The following PTH1R variants were observed in gnomAD, a reference collection of about 807,000 sequenced individuals.
The protein encoded by PTH1R is parathyroid hormone/parathyroid hormone-related peptide receptor.
Under a neutral mutation model 70.7 loss-of-function variants are expected in PTH1R, and 32 were observed. The observed-to-expected ratio is 0.45, with a 90% confidence interval of 0.34 to 0.61. The LOEUF is 0.61. Ranked by LOEUF, PTH1R falls within the 20% of genes least tolerant of loss-of-function variation. PTH1R has a pLI of 0.01. For synonymous variants in PTH1R, 329 were observed against 324.8 expected, an observed-to-expected ratio of 1.01 and a Z score of -0.14; for missense variants, 626 against 792.5, an observed-to-expected ratio of 0.79 and a Z score of 2.52.
rs1384005137 is a variant in PTH1R at position 46,879,961 on chromosome 3, C to T, written c.-105-1101C>T. 6.6e-6 allele frequency among the ~76,000 whole-genome samples: 1 copy of T among 152,086 alleles called. No individual in the cohort carries two copies. The highest frequency in any genetic ancestry group is 2.4e-5 in the African/African-American group (1 of 41,398). On this transcript the variant is annotated intron_variant, in intron 1 of 15. Transcript: ENST00000449590. This position sits in a 1 kb window ranked among gnomAD's most constrained non-coding sequence, Gnocchi z 4.7. ...GGCTGAGGCCAGAGAATTGCTTGAA[C>T]CCGGGAGGTGGAGGTTGCAGTCAGC...
rs201908157 is a variant in PTH1R at position 46,893,965 on chromosome 3, A to G, written c.134A>G (p.Gln45Arg). 7 of 1,614,188 alleles carry G rather than the reference A, an allele frequency of 4.3e-6. No homozygotes were observed. In the Admixed American group the frequency reaches 5.0e-5, roughly 12 times the overall value. The stretch of plus-strand genomic sequence containing the variant: ...CAGATCTTCCTGCTGCACCGTGCTC[A>G]GGCCCAGTGCGAAAAACGGCTCAAG... ...EEQIFLLHRA[Q>R]AQCEKRLKEV... Residue 45 changes from glutamine (Q) to arginine (R), a missense_variant, in exon 4 of 16, where the codon CAG becomes CGG. Physicochemically the swap from Gln to Arg is conservative, Grantham distance 43. Around this residue, in one of 3 missense-constraint regions of PTH1R, gnomAD observed 123 missense variants for 125.7 expected, o/e 0.98. Transcript: ENST00000449590. This position sits in a 1 kb window ranked among gnomAD's most constrained non-coding sequence, Gnocchi z 5.2.
Position 46,898,365 on chromosome 3 carries a change from C to T in PTH1R, c.544-13C>T, listed in dbSNP as rs772349722. 3.7e-6 allele frequency: 6 copies of T among 1,613,192 alleles called. No homozygotes were observed. The highest frequency in any genetic ancestry group is 1.1e-5 in the South Asian group (1 of 91,058). Reference sequence around the variant, plus strand: ...CCCAGGGCTCTGACTGTGTCTCCCCCCGCCCCGCACAGGAGGTGTTTGACC... The same window carrying T: ...CCCAGGGCTCTGACTGTGTCTCCCCTCGCCCCGCACAGGAGGTGTTTGACC... On this transcript the variant is annotated splice_polypyrimidine_tract_variant and intron_variant, in intron 7 of 15. Transcript: ENST00000449590.
chr3:46,889,772 G>A (rs1293969613), intron 3 of PTH1R, among the ~76,000 whole-genome samples: 1 of 152,120 alleles, frequency 6.6e-6, no homozygotes, highest in East Asian at 1.9e-4. Context: ...TGGTGGGTAT[G>A]GACTAAGTGA....
At position 46,893,003 on chromosome 3, in the gene PTH1R, C is replaced by T. The variant is rs1443357132; in HGVS notation, c.76-904C>T. ...TGGGCTAGGCACACCAGGCTGCTCCCAAGTCAGAGGACAGAGGCTGAGACC... is the reference window on the plus strand; with the variant it reads ...TGGGCTAGGCACACCAGGCTGCTCCTAAGTCAGAGGACAGAGGCTGAGACC... On this transcript the variant is annotated intron_variant, in intron 3 of 15. Coordinates refer to ENST00000449590, the MANE Select transcript of PTH1R (RefSeq NM_000316.3). The surrounding 1 kb of genome is among the most constrained non-coding windows in gnomAD (Gnocchi z 5.2). Among the ~76,000 whole-genome samples, 1 of 152,206 alleles carries T rather than the reference C, an allele frequency of 6.6e-6. No individual in the cohort carries two copies. Among genetic ancestry groups the T allele is most frequent in the African/African-American group, 2.4e-5 (1 of 41,444 alleles).
rs2031852252 is a variant in PTH1R at position 46,897,971 on chromosome 3, G to A, written c.424+6G>A. ...TTATGACTTCAATCACAAAGGTGAG[G>A]CCTGCTGGAAGGGGTGGGGATTACA... On this transcript the variant is annotated splice_donor_region_variant and intron_variant, in intron 6 of 15. Transcript: ENST00000449590. The A allele has an allele frequency of 6.2e-7, 1 of 1,613,972 alleles. No individual in the cohort carries two copies. The highest frequency in any genetic ancestry group is 8.5e-7 in the Non-Finnish European group (1 of 1,179,962).
chr3:46,898,116 T>C lies in PTH1R; in HGVS notation c.467T>C (p.Leu156Pro), dbSNP rs769981106. The change falls in exon 7 of 16, where the codon CTG (leucine) becomes CCG (proline). Residue 156 changes from leucine (L) to proline (P), a missense_variant. By Grantham distance (98) the Leu-to-Pro change is moderately conservative (BLOSUM62 -3). Around this residue, in one of 3 missense-constraint regions of PTH1R, gnomAD observed 495 missense variants for 638.7 expected, o/e 0.77. Transcript: ENST00000449590. ...TGTGACCGCAATGGCAGCTGGGAGC[T>C]GGTGCCTGGGCACAACAGGACGTGG... ...RRCDRNGSWE[L>P]VPGHNRTWAN... is the part of the protein sequence containing the mutation. The C allele has an allele frequency of 3.1e-6, 5 of 1,614,250 alleles. No individual in the cohort carries two copies. The highest frequency in any genetic ancestry group is 4.2e-6 in the Non-Finnish European group (5 of 1,180,040).
Position 46,901,847 on chromosome 3 carries a change from C to G in PTH1R, c.1198C>G (p.Arg400Gly), listed in dbSNP as rs775797881. The change falls in exon 13 of 16, where the codon CGG (arginine) becomes GGG (glycine). Residue 400 changes from arginine (R) to glycine (G), a missense_variant. By Grantham distance (125) the Arg-to-Gly change is moderately radical (BLOSUM62 -2). Transcript: ENST00000449590. The surrounding 1 kb of genome is among the most constrained non-coding windows in gnomAD (Gnocchi z 7.3). ...RETNAGRCDT[R>G]QQYRKLLKST... ...GACCAACGCCGGCCGGTGTGACACA[C>G]GGCAGCAGTACCGGTGAGCCCACCA... is the stretch of plus-strand genomic sequence containing the variant. The G allele has an allele frequency of 6.2e-7, 1 of 1,613,698 alleles. No homozygotes were observed. Among genetic ancestry groups the G allele is most frequent in the South Asian group, 1.1e-5 (1 of 91,072 alleles).
chr3:46,898,042 C>T (rs2031857511), intron 6 of PTH1R, 32 bp from the exon 7 acceptor site: 1 of 1,613,154 alleles, frequency 6.2e-7, no homozygotes, highest in African/African-American at 1.3e-5. Context: ...TCGAGACCTC[C>T]CTGCCGGCCC....
chr3:46,901,043 T>C lies in PTH1R; in HGVS notation c.1007T>C (p.Val336Ala). ...VFGWGLPAVF[V>A]AVWVSVRATL... The stretch of plus-strand genomic sequence containing the variant: ...CCCACAGGTCTGCCCGCTGTCTTCG[T>C]GGCTGTGTGGGTCAGTGTCAGAGCT... The change falls in exon 11 of 16, where the codon GTG (valine) becomes GCG (alanine). Residue 336 changes from valine to alanine, a missense_variant. By Grantham distance (64) the Val-to-Ala change is moderately conservative. Coordinates refer to ENST00000449590, the MANE Select transcript of PTH1R (RefSeq NM_000316.3). This position sits in a 1 kb window ranked among gnomAD's most constrained non-coding sequence, Gnocchi z 7.3. 1.3e-6 allele frequency: 2 copies of C among 1,584,574 alleles called. No homozygotes were observed. Among genetic ancestry groups the C allele is most frequent in the Non-Finnish European group, 1.7e-6 (2 of 1,164,160 alleles).
chr3:46,896,009 C>A lies in PTH1R; in HGVS notation c.313+140C>A. On this transcript the variant is annotated intron_variant, in intron 5 of 15. Transcript: ENST00000449590. This position sits in a 1 kb window ranked among gnomAD's most constrained non-coding sequence, Gnocchi z 4.1. ...TGCAGCCACATCCCCAGGCAAGGGG[C>A]TGGGAGAAGACAGAGTGTAGTGGGA... 1.7e-6 allele frequency: 2 copies of A among 1,153,278 alleles called. No homozygotes were observed. Among genetic ancestry groups the A allele is most frequent in the Non-Finnish European group, 2.5e-6 (2 of 802,284 alleles). 71.4% of individuals were successfully genotyped at this position (1,153,278 alleles called of 1,614,324 possible).
At chr3:46,878,657 C>G (rs892485647) in intron 1 of PTH1R, among the ~76,000 whole-genome samples, 2 of 152,316 alleles carry the variant, frequency 1.3e-5, no homozygotes, top group East Asian at 3.9e-4. Flanking sequence ...ATTGCTCAGA[C>G]AGCTGAGCCT....
At chr3:46,897,344 G>C (rs890123359) in intron 5 of PTH1R, among the ~76,000 whole-genome samples, 3 of 152,218 alleles carry the variant, frequency 2.0e-5, no homozygotes, top group African/African-American at 7.2e-5. Flanking sequence ...TAAATTCTAT[G>C]AGGTGGGTAC....
chr3:46,894,164 G>A (rs1219403260), intron 4 of PTH1R, among the ~76,000 whole-genome samples, 155 bp downstream of exon 4: 3 of 152,138 alleles, frequency 2.0e-5, no homozygotes, highest in Non-Finnish European at 4.4e-5. Flanking sequence ...AGTGGGGTGC[G>A]TGGTGCAAGA....
At chr3:46,889,001 G>A (rs748122446) in intron 3 of PTH1R, among the ~76,000 whole-genome samples, 3 of 152,188 alleles carry the variant, frequency 2.0e-5, no homozygotes, top group African/African-American at 4.8e-5. Flanking sequence ...GGGGCAGGAC[G>A]AGGAGCCTGC....
At chr3:46,899,237 C>T in intron 9 of PTH1R, 66 bp from the exon 10 acceptor site, 1 of 1,608,050 alleles carries the variant, frequency 6.2e-7, no homozygotes, top group Non-Finnish European at 8.5e-7. Flanking sequence ...GCCCCAGCCC[C>T]CCAGCCCAGC....
chr3:46,897,476 A>G (rs1459426744), intron 5 of PTH1R, among the ~76,000 whole-genome samples: 1 of 152,232 alleles, frequency 6.6e-6, no homozygotes, highest in Non-Finnish European at 1.5e-5. Flanking sequence ...TCATGCCTGT[A>G]ATCCCAGCAC....
chr3:46,879,631 C>G lies in PTH1R; in HGVS notation c.-105-1431C>G, dbSNP rs1231513414. ...GTGTGGTAGCTCATGCCTGTGGTGC[C>G]AGCTACATGAGAGGCTGAGGTGAGA... On this transcript the variant is annotated intron_variant, in intron 1 of 15. Transcript: ENST00000449590. This position sits in a 1 kb window ranked among gnomAD's most constrained non-coding sequence, Gnocchi z 4.7. 1.3e-5 allele frequency among the ~76,000 whole-genome samples: 2 copies of G among 152,150 alleles called. No homozygotes were observed. Among genetic ancestry groups the G allele is most frequent in the Non-Finnish European group, 2.9e-5 (2 of 68,032 alleles).
At chr3:46,900,604 A>T (rs745741449) in intron 10 of PTH1R, among the ~76,000 whole-genome samples, 4 of 151,816 alleles carry the variant, frequency 2.6e-5, no homozygotes, top group Admixed American at 6.6e-5. Context: ...GAGGGCTAGG[A>T]CCTTTCAAAC....
Position 46,901,742 on chromosome 3 carries a change from G to A in PTH1R, c.1117-24G>A. 1 of 1,606,684 alleles carries A rather than the reference G, an allele frequency of 6.2e-7. No individual in the cohort carries two copies. The highest frequency in any genetic ancestry group is 1.1e-5 in the South Asian group (1 of 90,914). The stretch of plus-strand genomic sequence containing the variant: ...CCGCCCCACTAGGGTGCAGCCTCCA[G>A]ACGCAGCCCCCTCACTCCCACAGCT... On this transcript the variant is annotated intron_variant, in intron 12 of 15. Coordinates refer to ENST00000449590, the MANE Select transcript of PTH1R (RefSeq NM_000316.3). This position sits in a 1 kb window ranked among gnomAD's most constrained non-coding sequence, Gnocchi z 7.3.
Sources: allele counts gnomAD v4.1 joint callset (sites outside exome capture counted in the v4.1 genomes callset), GRCh38; gene constraint gnomAD v4.1.1; regional missense constraint gnomAD v4.1.1; non-coding constraint Gnocchi (gnomAD v3.1); transcripts MANE v1.5; gene names NCBI Gene and HGNC (gene_info 2026-07-23, HGNC 2026-07-21).